Variants in GRM8 observed in about 807,000 individuals in gnomAD.
GRM8 encodes the protein metabotropic glutamate receptor 8.
In GRM8, 47 loss-of-function variants were observed where a neutral mutation model predicts 87.2. The observed-to-expected ratio is 0.54, with a 90% CI of 0.43 to 0.69. GRM8 has a LOEUF of 0.69. Among genes scored for constraint, GRM8 ranks in the 30% least tolerant of loss-of-function variants. GRM8 has a pLI of 0.00. For missense variants in GRM8, 1,019 were observed against 1,139.2 expected, an observed-to-expected ratio of 0.89 and a Z score of 1.52; for synonymous variants, 396 against 404.5, an observed-to-expected ratio of 0.98 and a Z score of 0.25.
intron 3 of GRM8, among the ~76,000 whole-genome samples, chr7:126,983,522 C>A (rs965399025): frequency 6.7e-6 from 1 of 148,562 alleles, no homozygotes; most frequent in African/African-American, 2.4e-5. Context: ...GACCCACTAG[C>A]AAAATTTTTG....
At chr7:127,143,605 A>G (rs1828394973) in intron 2 of GRM8, among the ~76,000 whole-genome samples, 1 of 152,142 alleles carries the variant, frequency 6.6e-6, no homozygotes, top group Non-Finnish European at 1.5e-5. Context: ...ACTAAAGCTT[A>G]CAGAGGTTAA....
chr7:126,864,369 TA>T (rs1162078882), intron 6 of GRM8, among the ~76,000 whole-genome samples: 3 of 152,276 alleles, frequency 2.0e-5, no homozygotes, highest in South Asian at 4.2e-4. Flanking sequence ...AGATTTTTTT[TA>T]TTCTATCCTC....
At chr7:126,957,234 A>G (rs1370661013) in intron 3 of GRM8, among the ~76,000 whole-genome samples, 1 of 152,230 alleles carries the variant, frequency 6.6e-6, no homozygotes, top group Admixed American at 6.5e-5. Context: ...CTGAAAAAAA[A>G]GTCAAAAACC....
At chr7:126,466,250 T>C (rs1804491697) in intron 9 of GRM8, among the ~76,000 whole-genome samples, 1 of 151,874 alleles carries the variant, frequency 6.6e-6, no homozygotes, top group African/African-American at 2.4e-5. Context: ...CATCACACTT[T>C]CTAACAGGTT....
At chr7:126,953,984 T>C (rs990748172) in intron 3 of GRM8, among the ~76,000 whole-genome samples, 20 of 152,132 alleles carry the variant, frequency 1.3e-4, no homozygotes, top group African/African-American at 4.6e-4. Context: ...ATATACACTA[T>C]TATATACTCA....
chr7:126,763,442 C>CATATATATAT (rs750564318), intron 7 of GRM8, among the ~76,000 whole-genome samples: 21 of 119,902 alleles, frequency 1.8e-4, no homozygotes, highest in African/African-American at 4.2e-4. Context: ...ATGATAAATT[C>CATATATATAT]ATATATATAT....
chr7:126,720,713 T>C (rs1486929411), intron 7 of GRM8, among the ~76,000 whole-genome samples: 2 of 152,196 alleles, frequency 1.3e-5, no homozygotes, highest in Admixed American at 1.3e-4. Flanking sequence ...AAAATACATG[T>C]GGATCTCTTA....
rs557907448 is a variant in GRM8 at position 126,990,116 on chromosome 7, G to T, written c.728-85433C>A. Among the ~76,000 whole-genome samples, 7 of 152,236 alleles carry T rather than the reference G, an allele frequency of 4.6e-5. No homozygotes were observed. In the East Asian group the frequency reaches 1.2e-3, roughly 25 times the overall value. On this transcript the variant is annotated intron_variant, in intron 3 of 10. Coordinates refer to ENST00000339582, the MANE Select transcript of GRM8 (RefSeq NM_000845.3). ...ATATTCCACTAGTGCTAACCTAAGA[G>T]AATCAGCATTATTTAATATCCATTG...
intron 3 of GRM8, among the ~76,000 whole-genome samples, chr7:126,952,441 A>G (rs1586577539): frequency 6.6e-6 from 1 of 152,042 alleles, no homozygotes; most frequent in Non-Finnish European, 1.5e-5. Flanking sequence ...ATCAAAATCC[A>G]TGGATGTATG....
chr7:127,158,281 A>C (rs1018411430), intron 2 of GRM8, among the ~76,000 whole-genome samples: 6 of 152,172 alleles, frequency 3.9e-5, no homozygotes, highest in African/African-American at 1.4e-4. Context: ...AATAGCTCTC[A>C]GAACTGTCCT....
intron 3 of GRM8, among the ~76,000 whole-genome samples, chr7:127,065,306 G>A (rs749112739): frequency 6.6e-6 from 1 of 152,248 alleles, no homozygotes; most frequent in East Asian, 1.9e-4. Context: ...CTTATAAGTG[G>A]AAGCTAAATA....
intron 6 of GRM8, among the ~76,000 whole-genome samples, chr7:126,896,396 G>A (rs1164742479): frequency 6.6e-6 from 1 of 152,004 alleles, no homozygotes; most frequent in Non-Finnish European, 1.5e-5. Context: ...AATGGGGATG[G>A]CAGAACGCAT....
chr7:127,082,584 T>A (rs1389812719), intron 3 of GRM8, among the ~76,000 whole-genome samples: 1 of 152,128 alleles, frequency 6.6e-6, no homozygotes, highest in East Asian at 1.9e-4. Flanking sequence ...CTAATGGAAG[T>A]TTCCATTCTT....
intron 7 of GRM8, among the ~76,000 whole-genome samples, chr7:126,634,400 C>T (rs1801646086): frequency 6.6e-6 from 1 of 152,156 alleles, no homozygotes; most frequent in Non-Finnish European, 1.5e-5. Flanking sequence ...TTCCCCTTCT[C>T]ATTCATCAAC....
chr7:126,492,521 G>A (rs1808143303), intron 9 of GRM8, among the ~76,000 whole-genome samples: 1 of 152,072 alleles, frequency 6.6e-6, no homozygotes, highest in Non-Finnish European at 1.5e-5. Context: ...CAGGGTGATT[G>A]TTAAAGCTGG....
At chr7:126,716,521 G>C (rs1478439257) in intron 7 of GRM8, among the ~76,000 whole-genome samples, 1 of 152,128 alleles carries the variant, frequency 6.6e-6, no homozygotes, top group African/African-American at 2.4e-5. Context: ...GGTGGGTGCT[G>C]CTAGAACGTA....
At chr7:127,157,740 G>A (rs927976056) in intron 2 of GRM8, among the ~76,000 whole-genome samples, 1 of 152,084 alleles carries the variant, frequency 6.6e-6, no homozygotes, top group Non-Finnish European at 1.5e-5. Context: ...ATGGATAAAA[G>A]TAGAAAACAA....
chr7:126,678,124 A>G (rs1254626472), intron 7 of GRM8, among the ~76,000 whole-genome samples: 1 of 152,246 alleles, frequency 6.6e-6, no homozygotes, highest in Non-Finnish European at 1.5e-5. Flanking sequence ...TTCACAATAG[A>G]TGTTTTTAAA....
At chr7:126,992,831 G>GTGTA (rs1554558390) in intron 3 of GRM8, among the ~76,000 whole-genome samples, 14 of 141,094 alleles carry the variant, frequency 9.9e-5, no homozygotes, top group African/African-American at 3.5e-4. Context: ...GTGTGTGTAT[G>GTGTA]TGTGTGTGTG....
Sources: gnomAD v4.1 joint callset for allele counts (sites outside exome capture counted in the v4.1 genomes callset) on GRCh38, gnomAD v4.1.1 for gene constraint, MANE v1.5 for transcripts, NCBI Gene and HGNC (gene_info 2026-07-23, HGNC 2026-07-21) for gene names.